Variants in PTCHD1 observed in about 807,000 individuals in gnomAD.
The protein encoded by PTCHD1 is patched domain containing 1.
In PTCHD1, 3 loss-of-function variants were observed where a neutral mutation model predicts 34.6. The observed-to-expected ratio is 0.09, with a 90% CI of 0.04 to 0.22. The LOEUF (loss-of-function observed/expected upper bound fraction) is 0.22. Among genes scored for constraint, PTCHD1 ranks in the 10% least tolerant of loss-of-function variants. The pLI is 1.00. For missense variants in PTCHD1, 504 were observed against 685.5 expected (o/e 0.74, Z 2.96); for synonymous variants, 305 against 283.1 (o/e 1.08, Z -0.77).
chrX:23,399,785 T>C lies in PTCHD1; in HGVS notation c.*5600T>C, dbSNP rs983363137. ...ACCAGGAAAGGAGCCCTCTGTACTG[T>C]GCTCTTGTTGGCAAGAGGAACACCA... On this transcript the variant is annotated 3_prime_UTR_variant, in exon 3 of 3. Coordinates refer to ENST00000379361, the MANE Select transcript of PTCHD1 (RefSeq NM_173495.3). The C allele has an allele frequency of 8.9e-6, 1 of 112,085 alleles. No homozygotes were observed. Among genetic ancestry groups the C allele is most frequent in the African/African-American group, 3.2e-5 (1 of 30,838 alleles). The allele number at this position is 112,085 out of a possible 1,213,427, so 9.2% of individuals were successfully genotyped here.
At chrX:23,347,178 A>T (rs1921500213) in intron 1 of PTCHD1, among the ~76,000 whole-genome samples, 1 of 111,878 alleles carries the variant, frequency 8.9e-6, no homozygotes, top group African/African-American at 3.3e-5. Context: ...GATTCAAAGA[A>T]ATCAATTTGA....
chrX:23,390,503 G>A (rs1415843988), intron 2 of PTCHD1, among the ~76,000 whole-genome samples: 2 of 111,638 alleles, frequency 1.8e-5, no homozygotes, highest in African/African-American at 6.5e-5. Flanking sequence ...CAGACTAGAT[G>A]TTAATACCTA....
At chrX:23,376,329 G>A (rs760822191) in intron 1 of PTCHD1, among the ~76,000 whole-genome samples, 1 of 112,315 alleles carries the variant, frequency 8.9e-6, no homozygotes, top group African/African-American at 3.2e-5. Context: ...TCTGAGAAGA[G>A]CGTCTCTTAC....
intron 1 of PTCHD1, among the ~76,000 whole-genome samples, chrX:23,345,487 G>T (rs1206484828): frequency 8.9e-6 from 1 of 112,044 alleles, no homozygotes; most frequent in Non-Finnish European, 1.9e-5. Context: ...TGTATATCCT[G>T]ACTACTCAGT....
At chrX:23,366,769 T>C (rs1003832342) in intron 1 of PTCHD1, among the ~76,000 whole-genome samples, 12 of 111,712 alleles carry the variant, frequency 1.1e-4, no homozygotes, top group Admixed American at 9.6e-4. Context: ...GGCAGAACCA[T>C]GTTTGTCTTG....
chrX:23,351,565 C>A (rs1921633759), intron 1 of PTCHD1: 1 of 266,114 alleles, frequency 3.8e-6, no homozygotes, highest in Admixed American at 5.7e-5. Context: ...TTAAAAACTT[C>A]TTAGTGACTG....
At chrX:23,352,100 TAAAA>T (rs1003827174) in intron 1 of PTCHD1, among the ~76,000 whole-genome samples, 6 of 111,717 alleles carry the variant, frequency 5.4e-5, no homozygotes, top group Non-Finnish European at 1.1e-4. Context: ...CAATTGACCT[TAAAA>T]AGAGAGAGAG....
intron 1 of PTCHD1, among the ~76,000 whole-genome samples, chrX:23,374,603 CTT>C (rs199743694): frequency 0.18 from 17,936 of 97,037 alleles, 2,133 homozygotes; most frequent in African/African-American, 0.42. Flanking sequence ...AGAGGGAAAT[CTT>C]TTTTTTTTTT....
chrX:23,340,886 T>C (rs1255759500), intron 1 of PTCHD1, among the ~76,000 whole-genome samples: 2 of 112,213 alleles, frequency 1.8e-5, no homozygotes, highest in African/African-American at 6.5e-5. Flanking sequence ...ATTTGCTGGG[T>C]CAGTCAATTG....
rs1437982526 is a variant in PTCHD1 at position 23,354,758 on chromosome X, A to G, written c.351+19532A>G. Among the ~76,000 whole-genome samples, 15 of 108,481 alleles carry G rather than the reference A, an allele frequency of 1.4e-4. No homozygotes were observed. The Admixed American group carries it at 1.5e-3, about 11-fold the overall frequency. The allele number at this position is 108,481 out of a possible 115,157, so 94.2% of individuals were successfully genotyped here. On this transcript the variant is annotated intron_variant, in intron 1 of 2. Transcript: ENST00000379361. ...CAGCTGATTTTTGTATTTTTAGTAG[A>G]GATGGGGTTTCACCATCTTGGCCAG...
In PTCHD1 at chrX:23,363,118, G is replaced by A. The variant is rs1232848749; in HGVS notation, c.352-16473G>A. ...CTACACGGGTGTCAGGGACCCACTT[G>A]AGGAGGCAGTCTGTCCATTCTCAGA... On this transcript the variant is annotated intron_variant, in intron 1 of 2. Transcript: ENST00000379361. 6.2e-5 allele frequency among the ~76,000 whole-genome samples: 7 copies of A among 112,570 alleles called. No homozygotes were observed. The East Asian group carries it at 1.7e-3, about 27-fold the overall frequency.
intron 1 of PTCHD1, among the ~76,000 whole-genome samples, chrX:23,374,146 C>T (rs945845828): frequency 3.6e-5 from 4 of 109,653 alleles, no homozygotes; most frequent in Admixed American, 9.7e-5. Context: ...GGAACCCATA[C>T]GAACTCCGAG....
intron 1 of PTCHD1, among the ~76,000 whole-genome samples, chrX:23,367,205 T>C (rs1922171141): frequency 8.9e-6 from 1 of 111,946 alleles, no homozygotes; most frequent in South Asian, 3.7e-4. Flanking sequence ...TCCCTTAATA[T>C]ATGTTGAGTA....
chrX:23,351,309 C>G, intron 1 of PTCHD1: 1 of 870,346 alleles, frequency 1.1e-6, no homozygotes, highest in Non-Finnish European at 1.7e-6. Context: ...ACAACTTACA[C>G]AATTTTGCTT....
chrX:23,385,111 T>C (rs73205373), intron 2 of PTCHD1, among the ~76,000 whole-genome samples: 6,958 of 111,514 alleles, frequency 0.062, 248 homozygotes, highest in East Asian at 0.28. Context: ...TATTTTACAG[T>C]ATTTCCAAAG....
intron 1 of PTCHD1, chrX:23,351,100 A>G (rs1181489988): frequency 3.6e-5 from 17 of 476,467 alleles, no homozygotes; most frequent in Non-Finnish European, 5.7e-5. Flanking sequence ...ACCAAGTGCC[A>G]TCTTCAAAAT....
intron 1 of PTCHD1, among the ~76,000 whole-genome samples, chrX:23,341,094 C>A (rs977059312): frequency 1.8e-5 from 2 of 112,136 alleles, no homozygotes; most frequent in Admixed American, 9.4e-5. Flanking sequence ...ATTTGGGGAG[C>A]AGTCTTTTAA....
chrX:23,352,875 A>G (rs1351576534), intron 1 of PTCHD1, among the ~76,000 whole-genome samples: 11 of 111,739 alleles, frequency 9.8e-5, no homozygotes, highest in Non-Finnish European at 2.1e-4. Flanking sequence ...AGTAAATCAG[A>G]ATCTGCATTT....
At chrX:23,387,635 C>T (rs1483696291) in intron 2 of PTCHD1, among the ~76,000 whole-genome samples, 2 of 111,875 alleles carry the variant, frequency 1.8e-5, no homozygotes, top group African/African-American at 3.2e-5. Flanking sequence ...TTTGCCTCAA[C>T]ATTAGTGAAG....
Sources: gnomAD v4.1 joint callset for allele counts (sites outside exome capture counted in the v4.1 genomes callset) on GRCh38, gnomAD v4.1.1 for gene constraint, MANE v1.5 for transcripts, NCBI Gene and HGNC (gene_info 2026-07-23, HGNC 2026-07-21) for gene names.